Variants in POLDIP3 observed in about 807,000 individuals in gnomAD.
POLDIP3 encodes the protein DNA polymerase delta interacting protein 3.
Under a neutral mutation model 45.1 loss-of-function variants are expected in POLDIP3, and 14 were observed. The ratio of observed to expected loss-of-function variants is 0.31; its 90% CI spans 0.20 to 0.49. The LOEUF is 0.49. POLDIP3 is among the 20% of genes least tolerant of loss of function. The pLI is 0.99. For missense variants in POLDIP3, 511 were observed against 538.8 expected (o/e 0.95, Z 0.51); for synonymous variants, 223 against 205.2 (o/e 1.09, Z -0.74).
At chr22:42,613,799 G>A (rs1180551912) in intron 1 of POLDIP3, among the ~76,000 whole-genome samples, 3 of 152,142 alleles carry the variant, frequency 2.0e-5, no homozygotes, top group Non-Finnish European at 4.4e-5. Flanking sequence ...TCTGCTGAGA[G>A]AACAAATGTC....
rs775991816 is a variant in POLDIP3, at chr22:42,602,029, G to C, written c.478C>G (p.Leu160Val). 7.4e-6 allele frequency: 12 copies of C among 1,614,174 alleles called. No homozygotes were observed. In the South Asian group the frequency reaches 1.2e-4, roughly 16 times the overall value. Residue 160 changes from leucine (L) to valine (V), a missense_variant, in exon 3 of 9, where the codon CTT becomes GTT. Leu to Val is a conservative substitution (Grantham distance 32). Around this residue, in one of 4 missense-constraint regions of POLDIP3, gnomAD observed 378 missense variants for 352.3 expected, o/e 1.07. Transcript: ENST00000252115. ...QVPQQKAMAP[L>V]HPHPAGMRIN... ...CTCATTCCGGCAGGATGGGGATGAAGTGGTGCCATGGCTTTCTGCTGTGGA... is the reference window on the plus strand; with the variant it reads ...CTCATTCCGGCAGGATGGGGATGAACTGGTGCCATGGCTTTCTGCTGTGGA...
intron 1 of POLDIP3, among the ~76,000 whole-genome samples, 156 bp from the exon 2 acceptor site, chr22:42,603,316 T>G (rs760294815): frequency 6.6e-6 from 1 of 152,236 alleles, no homozygotes; most frequent in African/African-American, 2.4e-5. Flanking sequence ...GCCTACATGA[T>G]GACTCCTTTC....
At position 42,608,937 on chromosome 22, in the gene POLDIP3, G is replaced by A. The variant is rs180923250; in HGVS notation, c.60-5777C>T. Among the ~76,000 whole-genome samples the A allele has an allele frequency of 5.5e-4, 84 of 152,276 alleles. 1 individual carries two copies. Among genetic ancestry groups the A allele is most frequent in the African/African-American group, 1.7e-3 (71 of 41,544 alleles). ...AGCTTGAGGGGGCTTCAGTGTTCAG[G>A]CTTTTTATAATCACAGCTGCTCTTC... On this transcript the variant is annotated intron_variant, in intron 1 of 8. Transcript: ENST00000252115.
intron 1 of POLDIP3, among the ~76,000 whole-genome samples, chr22:42,609,102 G>A (rs948532907): frequency 6.6e-6 from 1 of 152,122 alleles, no homozygotes; most frequent in Admixed American, 6.5e-5. Context: ...TTACCCTCCC[G>A]CTTCTAGAAC....
In POLDIP3 at chr22:42,607,416, G is replaced by A. The variant is rs985851689; in HGVS notation, c.60-4256C>T. Among the ~76,000 whole-genome samples the A allele has an allele frequency of 7.9e-5, 12 of 152,360 alleles. No individual in the cohort carries two copies. In the East Asian group the frequency reaches 1.3e-3, roughly 17 times the overall value. ...ACGGAGTCTCGCTCAATCAGTGCTC[G>A]TTGCCCAGGCTGGAATGCAGTGGAG... is the stretch of plus-strand genomic sequence containing the variant. On this transcript the variant is annotated intron_variant, in intron 1 of 8. Transcript: ENST00000252115.
At chr22:42,588,778 A>G (rs1329955496) in intron 7 of POLDIP3, among the ~76,000 whole-genome samples, 1 of 151,946 alleles carries the variant, frequency 6.6e-6, no homozygotes, top group Non-Finnish European at 1.5e-5. Context: ...ACAGGCATGT[A>G]CCACCACACC....
intron 7 of POLDIP3, among the ~76,000 whole-genome samples, chr22:42,589,656 T>C (rs111630403): frequency 0.056 from 8,495 of 152,034 alleles, 333 homozygotes; most frequent in Non-Finnish European, 0.085. Context: ...CCATCCTGGC[T>C]GACACAGTGA....
At chr22:42,598,468 G>A (rs1251992475) in intron 4 of POLDIP3, among the ~76,000 whole-genome samples, 1 of 151,582 alleles carries the variant, frequency 6.6e-6, no homozygotes, top group African/African-American at 2.4e-5. Flanking sequence ...TGCCAGGATG[G>A]TCTCGATCTC....
At chr22:42,589,952 A>G (rs1444564615) in intron 7 of POLDIP3, among the ~76,000 whole-genome samples, 1 of 151,890 alleles carries the variant, frequency 6.6e-6, no homozygotes, top group Non-Finnish European at 1.5e-5. Flanking sequence ...CATAATAGAC[A>G]TGTACAGAAC....
chr22:42,604,689 A>C (rs1027967255), intron 1 of POLDIP3, among the ~76,000 whole-genome samples: 51 of 152,166 alleles, frequency 3.4e-4, no homozygotes, highest in African/African-American at 1.1e-3. Context: ...TGAATACCAG[A>C]AGTGCAGCCA....
At position 42,585,197 on chromosome 22, in the gene POLDIP3, C is replaced by A; in HGVS notation, c.*594G>T. The A allele has an allele frequency of 2.0e-6, 1 of 506,612 alleles. No individual in the cohort carries two copies. Among genetic ancestry groups the A allele is most frequent in the East Asian group, 5.6e-5 (1 of 17,926 alleles). The allele number at this position is 506,612 out of a possible 1,614,324, so 31.4% of individuals were successfully genotyped here. ...CTCTTCCCAGCGGTGCAGCCTCATCCTGCCCTTGCCACTAGTGAGGCCTGG... is the reference window on the plus strand; with the variant it reads ...CTCTTCCCAGCGGTGCAGCCTCATCATGCCCTTGCCACTAGTGAGGCCTGG... On this transcript the variant is annotated 3_prime_UTR_variant, in exon 9 of 9. Transcript: ENST00000252115.
In POLDIP3 at chr22:42,587,486, AC is replaced by A. The variant is rs1475494410; in HGVS notation, c.1088+19del. The A allele has an allele frequency of 6.2e-7, 1 of 1,607,368 alleles. No homozygotes were observed. The highest frequency in any genetic ancestry group is 8.5e-7 in the Non-Finnish European group (1 of 1,174,204). Reference sequence around the variant, plus strand: ...ATGGACGGAGCTGCCTCTCCCCAGCACCCCGCCTTTGGAACTCACAGCAGGA... The same window carrying A: ...ATGGACGGAGCTGCCTCTCCCCAGCACCCGCCTTTGGAACTCACAGCAGGA... On this transcript the variant is annotated intron_variant, in intron 8 of 8. Coordinates refer to ENST00000252115, the MANE Select transcript of POLDIP3 (RefSeq NM_032311.5).
chr22:42,609,344 C>G (rs975239595), intron 1 of POLDIP3, among the ~76,000 whole-genome samples: 1 of 152,214 alleles, frequency 6.6e-6, no homozygotes, highest in African/African-American at 2.4e-5. Flanking sequence ...GCTTCCAGGG[C>G]TTCACCAGGT....
At chr22:42,587,393 G>C in intron 8 of POLDIP3, 113 bp downstream of exon 8, 1 of 1,129,756 alleles carries the variant, frequency 8.9e-7, no homozygotes, top group Non-Finnish European at 1.3e-6. Context: ...CATTAGAACA[G>C]AGGAAACGGA....
intron 1 of POLDIP3, among the ~76,000 whole-genome samples, chr22:42,604,693 G>A (rs914140236): frequency 4.6e-5 from 7 of 152,190 alleles, no homozygotes; most frequent in Admixed American, 2.6e-4. Flanking sequence ...TACCAGAAGT[G>A]CAGCCAAAGG....
rs998750182 is a variant in POLDIP3, at chr22:42,583,955, T to C, written c.*1836A>G. 3.3e-5 allele frequency: 5 copies of C among 152,282 alleles called. No homozygotes were observed. Among genetic ancestry groups the C allele is most frequent in the East Asian group, 1.9e-4 (1 of 5,176 alleles). The allele number at this position is 152,282 out of a possible 1,614,324, so 9.4% of individuals were successfully genotyped here. On this transcript the variant is annotated 3_prime_UTR_variant, in exon 9 of 9. Coordinates refer to ENST00000252115, the MANE Select transcript of POLDIP3 (RefSeq NM_032311.5). ...CCTCAATGTACCAGATGGTCACCTA[T>C]AGCACCAGCTCCAGATGGCCACGTG...
intron 7 of POLDIP3, among the ~76,000 whole-genome samples, chr22:42,591,317 T>A (rs1411485960): frequency 6.6e-6 from 1 of 151,732 alleles, no homozygotes; most frequent in African/African-American, 2.4e-5. Flanking sequence ...CCCAGGGGAG[T>A]TCACCCAGGT....
intron 8 of POLDIP3, among the ~76,000 whole-genome samples, chr22:42,586,292 G>A (rs1472445510): frequency 1.3e-5 from 2 of 151,968 alleles, no homozygotes; most frequent in Non-Finnish European, 2.9e-5. Flanking sequence ...ATTTACTGAT[G>A]AGAAAATGGA....
At position 42,602,068 on chromosome 22, in the gene POLDIP3, C is replaced by A. The variant is rs1258723430; in HGVS notation, c.451-12G>T. On this transcript the variant is annotated splice_polypyrimidine_tract_variant and intron_variant, in intron 2 of 8. Transcript: ENST00000252115. ...TTCTGCTGTGGAACCTGGAAACACTCAGTGGTCAGAATCCACCCCACAGGG... is the reference window on the plus strand; with the variant it reads ...TTCTGCTGTGGAACCTGGAAACACTAAGTGGTCAGAATCCACCCCACAGGG... 6.2e-7 allele frequency: 1 copy of A among 1,614,068 alleles called. No homozygotes were observed. Among genetic ancestry groups the A allele is most frequent in the Non-Finnish European group, 8.5e-7 (1 of 1,179,994 alleles).
Sources: gnomAD v4.1 joint callset for allele counts (sites outside exome capture counted in the v4.1 genomes callset) on GRCh38, gnomAD v4.1.1 for gene constraint, gnomAD v4.1.1 regional missense constraint, MANE v1.5 for transcripts, NCBI Gene and HGNC (gene_info 2026-07-23, HGNC 2026-07-21) for gene names.